Variants in NCAM2 observed in about 807,000 individuals in gnomAD.
The protein encoded by NCAM2 is N-CAM-2.
A neutral mutation model predicts 98.1 loss-of-function variants in NCAM2; 30 were observed. The ratio of observed to expected loss-of-function variants is 0.31; its 90% CI spans 0.23 to 0.41. NCAM2 has a LOEUF of 0.41. Ranked by LOEUF, NCAM2 falls within the 10% of genes least tolerant of loss-of-function variation. The pLI, the probability that NCAM2 is intolerant of heterozygous loss-of-function variation, is 1.00. For missense variants in NCAM2, 867 were observed against 1,005.8 expected (o/e 0.86, Z 1.87); for synonymous variants, 368 against 342.4 (o/e 1.07, Z -0.83).
intron 7 of NCAM2, among the ~76,000 whole-genome samples, chr21:21,337,963 G>T (rs2074921066): frequency 6.6e-6 from 1 of 151,970 alleles, no homozygotes; most frequent in Non-Finnish European, 1.5e-5. Context: ...GTGTGCATGT[G>T]TCTGTATAAA....
intron 12 of NCAM2, among the ~76,000 whole-genome samples, chr21:21,465,592 A>G (rs540744518): frequency 1.4e-4 from 22 of 152,040 alleles, no homozygotes; most frequent in African/African-American, 3.6e-4. Context: ...TTATATTACA[A>G]TGTTATTGCA....
intron 16 of NCAM2, among the ~76,000 whole-genome samples, chr21:21,518,402 A>G (rs1374921431): frequency 6.6e-6 from 1 of 152,180 alleles, no homozygotes; most frequent in Non-Finnish European, 1.5e-5. Flanking sequence ...TCTACTGCAC[A>G]CTAAATGAGA....
At chr21:21,473,393 T>TATATATATATATATATATATATATA (rs1555903518) in intron 14 of NCAM2, among the ~76,000 whole-genome samples, 1 of 126,260 alleles carries the variant, frequency 7.9e-6, no homozygotes, top group African/African-American at 3.0e-5. Flanking sequence ...TATATATATA[T>TATATATATATATATATATATATATA]TATATATAAA....
chr21:21,063,366 A>G (rs1419125720), intron 1 of NCAM2, among the ~76,000 whole-genome samples: 3 of 151,736 alleles, frequency 2.0e-5, no homozygotes, highest in Non-Finnish European at 4.4e-5. Context: ...GTCTACAGGC[A>G]TGCGCCAGCA....
chr21:21,147,639 GAT>G (rs1454920587), intron 1 of NCAM2, among the ~76,000 whole-genome samples: 2 of 149,148 alleles, frequency 1.3e-5, no homozygotes, highest in African/African-American at 4.9e-5. Context: ...AGTATCAACA[GAT>G]ATATATTTAA....
intron 1 of NCAM2, among the ~76,000 whole-genome samples, chr21:21,082,824 A>T (rs969367427): frequency 3.9e-5 from 6 of 152,126 alleles, no homozygotes; most frequent in Admixed American, 1.3e-4. Flanking sequence ...CATCTCTCTT[A>T]GGTATTTGAA....
At chr21:21,193,421 A>G (rs1278486183) in intron 1 of NCAM2, among the ~76,000 whole-genome samples, 4 of 151,980 alleles carry the variant, frequency 2.6e-5, no homozygotes, top group Non-Finnish European at 5.9e-5. Flanking sequence ...TGGTCATAAC[A>G]GGGAAAACAA....
rs75627521 is a variant in NCAM2 at position 21,076,773 on chromosome 21, G to T, written c.55+78155G>T. ...ATGCTCAGTGAAAATAACATTTTTG[G>T]CTTCAGCTGGTCTTTTGTCTTGGAG... On this transcript the variant is annotated intron_variant, in intron 1 of 17. Coordinates refer to ENST00000400546, the MANE Select transcript of NCAM2 (RefSeq NM_004540.5). Among the ~76,000 whole-genome samples the T allele has an allele frequency of 9.7e-3, 1,478 of 152,058 alleles. 28 individuals are homozygous for T. The highest frequency in any genetic ancestry group is 0.033 in the African/African-American group (1,382 of 41,536).
intron 1 of NCAM2, among the ~76,000 whole-genome samples, chr21:21,201,191 A>T (rs983765412): frequency 6.6e-6 from 1 of 152,134 alleles, no homozygotes; most frequent in Non-Finnish European, 1.5e-5. Context: ...TATTTTATTG[A>T]TTATTAGGAA....
intron 1 of NCAM2, among the ~76,000 whole-genome samples, chr21:21,028,896 A>G (rs1265609529): frequency 6.6e-6 from 1 of 152,200 alleles, no homozygotes; most frequent in Non-Finnish European, 1.5e-5. Flanking sequence ...AAATTATGTA[A>G]GCTATCATCA....
At chr21:21,101,253 C>A (rs2146488971) in intron 1 of NCAM2, among the ~76,000 whole-genome samples, 1 of 151,904 alleles carries the variant, frequency 6.6e-6, no homozygotes, top group South Asian at 2.1e-4. Flanking sequence ...AAGCTGTAAA[C>A]ATAATAGAAA....
At chr21:21,271,400 A>G (rs8127865) in intron 1 of NCAM2, among the ~76,000 whole-genome samples, 126,744 of 152,176 alleles carry the variant, frequency 0.83, 53,085 homozygotes, top group East Asian at 0.99. Context: ...TGCTCCTAGC[A>G]AATAGTACAG....
At chr21:21,168,148 A>G (rs2068012114) in intron 1 of NCAM2, among the ~76,000 whole-genome samples, 1 of 152,104 alleles carries the variant, frequency 6.6e-6, no homozygotes, top group Non-Finnish European at 1.5e-5. Context: ...AGTCTGGTTC[A>G]ACATTTGAAA....
chr21:21,425,040 CA>C (rs1192128472), intron 11 of NCAM2, among the ~76,000 whole-genome samples: 213 of 43,836 alleles, frequency 4.9e-3, no homozygotes, highest in South Asian at 9.3e-3. Flanking sequence ...CTTCCTCCTC[CA>C]AAAAAAAAAA....
At chr21:21,239,593 T>G (rs2070985558) in intron 1 of NCAM2, among the ~76,000 whole-genome samples, 1 of 152,218 alleles carries the variant, frequency 6.6e-6, no homozygotes, top group African/African-American at 2.4e-5. Flanking sequence ...CCTTTAAAAC[T>G]TTTAGATGAT....
intron 1 of NCAM2, among the ~76,000 whole-genome samples, chr21:21,151,177 A>G (rs1473032040): frequency 6.6e-6 from 1 of 151,994 alleles, no homozygotes; most frequent in East Asian, 1.9e-4. Context: ...GTGATTCCTT[A>G]GGTTTAGATA....
chr21:21,506,513 C>A (rs1010914335), intron 15 of NCAM2, among the ~76,000 whole-genome samples: 5 of 151,782 alleles, frequency 3.3e-5, no homozygotes, highest in African/African-American at 1.2e-4. Flanking sequence ...GGCAATAGTT[C>A]TTTTTTAATT....
chr21:21,108,038 T>C (rs2066385102), intron 1 of NCAM2, among the ~76,000 whole-genome samples: 1 of 152,078 alleles, frequency 6.6e-6, no homozygotes, highest in Admixed American at 6.6e-5. Context: ...AGGTATATAT[T>C]TCCTCTAAAG....
chr21:21,020,458 C>T (rs1027049546), intron 1 of NCAM2, among the ~76,000 whole-genome samples: 4 of 152,182 alleles, frequency 2.6e-5, no homozygotes, highest in African/African-American at 7.2e-5. Context: ...TATTTTTCTC[C>T]ACTTCTCTTC....
Sources: allele counts gnomAD v4.1 joint callset (sites outside exome capture counted in the v4.1 genomes callset), GRCh38; gene constraint gnomAD v4.1.1; transcripts MANE v1.5; gene names NCBI Gene and HGNC (gene_info 2026-07-23, HGNC 2026-07-21).